Variants in DGCR2 observed in about 807,000 individuals in gnomAD.
The protein encoded by DGCR2 is integral membrane protein DGCR2/IDD.
DGCR2 carries 24 observed loss-of-function variants against 51.6 expected under a neutral mutation model. The observed-to-expected ratio is 0.47, with a 90% CI of 0.34 to 0.65. The LOEUF is 0.65. Among genes scored for constraint, DGCR2 ranks in the 30% least tolerant of loss-of-function variants. DGCR2 has a pLI of 0.01. For missense variants in DGCR2, 765 were observed against 772.1 expected, an observed-to-expected ratio of 0.99 and a Z score of 0.11; for synonymous variants, 340 against 315.4, an observed-to-expected ratio of 1.08 and a Z score of -0.82.
chr22:19,062,774 T>TTCTCTCTCTCTCTC (rs1569052709), intron 5 of DGCR2, among the ~76,000 whole-genome samples: 7 of 113,870 alleles, frequency 6.1e-5, no homozygotes, highest in East Asian at 2.7e-4. Flanking sequence ...CACACATGCA[T>TTCTCTCTCTCTCTC]GCTCACTCTC....
At chr22:19,093,098 T>C (rs756077751) in intron 1 of DGCR2, among the ~76,000 whole-genome samples, 7 of 152,200 alleles carry the variant, frequency 4.6e-5, no homozygotes, top group Non-Finnish European at 8.8e-5. Context: ...CAGTGGCTCA[T>C]GCCTGTAATC....
intron 2 of DGCR2, among the ~76,000 whole-genome samples, chr22:19,083,429 C>A (rs1354634311): frequency 6.6e-6 from 1 of 152,174 alleles, no homozygotes; most frequent in South Asian, 2.1e-4. Flanking sequence ...CTCAATACTA[C>A]GACTTAATTC....
At chr22:19,045,925 A>G (rs1296408047) in intron 7 of DGCR2, among the ~76,000 whole-genome samples, 1 of 152,074 alleles carries the variant, frequency 6.6e-6, no homozygotes, top group East Asian at 1.9e-4. Context: ...ATGGGGCTTC[A>G]CCATGTTGGC....
chr22:19,069,379 C>T (rs1252076812), intron 2 of DGCR2, among the ~76,000 whole-genome samples: 1 of 152,210 alleles, frequency 6.6e-6, no homozygotes, highest in African/African-American at 2.4e-5. Flanking sequence ...AATAAAAAAT[C>T]CACATGCTTT....
chr22:19,105,564 A>C (rs1362006291), intron 1 of DGCR2, among the ~76,000 whole-genome samples: 2 of 152,144 alleles, frequency 1.3e-5, no homozygotes, highest in African/African-American at 4.8e-5. Flanking sequence ...TGGGGAAGGG[A>C]GCGATGCACG....
intron 3 of DGCR2, among the ~76,000 whole-genome samples, chr22:19,067,480 G>A (rs1443003772): frequency 6.6e-6 from 1 of 152,118 alleles, no homozygotes; most frequent in Non-Finnish European, 1.5e-5. Context: ...ATCACCTCAG[G>A]TCAGGAGTTC....
rs2082620379 is a variant in DGCR2 at position 19,057,847 on chromosome 22, C to CT, written c.626-686dup. On this transcript the variant is annotated intron_variant, in intron 5 of 9. Transcript: ENST00000263196. This position sits in a 1 kb window ranked among gnomAD's most constrained non-coding sequence, Gnocchi z 5.1. ...GGGGACTGCTAACCTCCAAGCCTCT[C>CT]TTTTGCAAGGTTCCAGGTGGGCTCT... is the stretch of plus-strand genomic sequence containing the variant. 6.6e-6 allele frequency among the ~76,000 whole-genome samples: 1 copy of CT among 152,178 alleles called. No individual in the cohort carries two copies. The highest frequency in any genetic ancestry group is 1.5e-5 in the Non-Finnish European group (1 of 68,026).
chr22:19,102,600 G>A (rs970881873), intron 1 of DGCR2, among the ~76,000 whole-genome samples: 1 of 152,154 alleles, frequency 6.6e-6, no homozygotes. Flanking sequence ...TACTCAGGAG[G>A]CTGAGGCAGG....
At chr22:19,101,705 C>G (rs1451165646) in intron 1 of DGCR2, among the ~76,000 whole-genome samples, 1 of 137,164 alleles carries the variant, frequency 7.3e-6, no homozygotes, top group Non-Finnish European at 1.5e-5. Flanking sequence ...CACGCCATTG[C>G]ACTCCAGCCT....
intron 2 of DGCR2, among the ~76,000 whole-genome samples, chr22:19,087,678 CTTTTT>C (rs35513614): frequency 1.7e-5 from 2 of 120,284 alleles, no homozygotes; most frequent in Non-Finnish European, 1.7e-5. Context: ...CTGCACCTGG[CTTTTT>C]TTTTTTTTTT....
At chr22:19,044,019 C>T (rs985629626) in intron 7 of DGCR2, among the ~76,000 whole-genome samples, 13 of 152,222 alleles carry the variant, frequency 8.5e-5, no homozygotes, top group East Asian at 1.9e-4. Context: ...GGACTGGTGA[C>T]GTGCCTGTTC....
chr22:19,063,502 C>G (rs562746195), intron 4 of DGCR2, among the ~76,000 whole-genome samples: 1 of 149,990 alleles, frequency 6.7e-6, no homozygotes, highest in East Asian at 2.0e-4. Context: ...CCACGCCCAG[C>G]TAATTTTTGT....
At chr22:19,061,138 G>A (rs937094971) in intron 5 of DGCR2, 5 of 229,120 alleles carry the variant, frequency 2.2e-5, no homozygotes, top group Non-Finnish European at 3.5e-5. Context: ...GGTTTTTTGG[G>A]TATTTTTGGG....
rs1463081088 is a variant in DGCR2 at position 19,068,215 on chromosome 22, C to T, written c.213G>A (p.Gly71=). The T allele has an allele frequency of 1.9e-6, 3 of 1,600,064 alleles. No homozygotes were observed. The African/African-American group carries it at 4.0e-5, about 22-fold the overall frequency. The change falls in exon 3 of 10, where the codon GGG becomes GGA. Residue 71 remains glycine, a synonymous_variant. Transcript: ENST00000263196. ...SDEANCPEVT[G]EVRPHHGKEA... is the part of the protein sequence containing the mutation. ...CCTTCCCATGATGAGGACGCACCTC[C>T]CCGGTCACTTCTGAAAGCAAAAGGA... is the stretch of plus-strand genomic sequence containing the variant.
At position 19,039,718 on chromosome 22, in the gene DGCR2, C is replaced by CA. The variant is rs1555900131; in HGVS notation, c.1397-598_1397-597insT. ...TGTTTTGCCCGATCTTTATTACTTGCTTTTTTTTTCTTTTAAGAGACAGGA... is the reference window on the plus strand; with the variant it reads ...TGTTTTGCCCGATCTTTATTACTTGCATTTTTTTTTCTTTTAAGAGACAGGA... On this transcript the variant is annotated intron_variant, in intron 9 of 9. Transcript: ENST00000263196. 4.0e-5 allele frequency among the ~76,000 whole-genome samples: 6 copies of CA among 151,380 alleles called. 1 individual carries two copies. The highest frequency in any genetic ancestry group is 6.8e-3 in the Middle Eastern group (2 of 294).
At chr22:19,095,084 C>T (rs898179347) in intron 1 of DGCR2, among the ~76,000 whole-genome samples, 1 of 151,938 alleles carries the variant, frequency 6.6e-6, no homozygotes, top group Non-Finnish European at 1.5e-5. Context: ...CAAATTTGGC[C>T]GTGTGCAGAG....
chr22:19,084,544 TGAG>T (rs2082986053), intron 2 of DGCR2, among the ~76,000 whole-genome samples: 1 of 125,734 alleles, frequency 8.0e-6, no homozygotes. Context: ...GTCTGAGAAG[TGAG>T]GAGCCCCTCC....
intron 1 of DGCR2, among the ~76,000 whole-genome samples, chr22:19,114,656 T>C (rs182348192): frequency 2.6e-5 from 4 of 152,322 alleles, no homozygotes; most frequent in Admixed American, 2.0e-4. Flanking sequence ...GGTCCTGTGG[T>C]CAGTCTCCTG....
chr22:19,058,924 G>A (rs1250796882), intron 5 of DGCR2, among the ~76,000 whole-genome samples: 1 of 152,268 alleles, frequency 6.6e-6, no homozygotes, highest in Non-Finnish European at 1.5e-5. Context: ...TAGCGCCCCT[G>A]CCCAGGGGAG....
Sources: gnomAD v4.1 joint callset for allele counts (sites outside exome capture counted in the v4.1 genomes callset) on GRCh38, gnomAD v4.1.1 for gene constraint, Gnocchi (gnomAD v3.1) non-coding constraint, MANE v1.5 for transcripts, NCBI Gene and HGNC (gene_info 2026-07-23, HGNC 2026-07-21) for gene names.